The following PRKCI variants were observed in gnomAD, a reference collection of about 807,000 sequenced individuals.
The protein encoded by PRKCI is protein kinase C iota.
A neutral mutation model predicts 84.0 loss-of-function variants in PRKCI; 43 were observed. That is an observed-to-expected ratio of 0.51 (90% CI 0.40 to 0.66). The LOEUF is 0.66. PRKCI is among the 30% of genes least tolerant of loss of function. PRKCI has a pLI of 0.00. For synonymous variants in PRKCI, 216 were observed against 234.4 expected (o/e 0.92, Z 0.72); for missense variants, 459 against 745.6 (o/e 0.62, Z 4.48).
At chr3:170,232,354 T>G (rs924628693) in intron 1 of PRKCI, among the ~76,000 whole-genome samples, 3 of 151,012 alleles carry the variant, frequency 2.0e-5, no homozygotes, top group South Asian at 2.1e-4. Context: ...CTGGCTGCAC[T>G]CATTTATTTT....
At chr3:170,302,592 C>T (rs941611369) in intron 17 of PRKCI, among the ~76,000 whole-genome samples, 1 of 152,198 alleles carries the variant, frequency 6.6e-6, no homozygotes, top group African/African-American at 2.4e-5. Flanking sequence ...GTTCTCTCCT[C>T]ATTCCAGGTC....
chr3:170,275,367 C>A, intron 8 of PRKCI, 80 bp downstream of exon 8: 1 of 1,319,232 alleles, frequency 7.6e-7, no homozygotes, highest in Non-Finnish European at 1.0e-6. Context: ...GACATATTGA[C>A]CTGCTTAGAC....
chr3:170,263,323 T>G, intron 3 of PRKCI, 56 bp from the exon 4 acceptor site: 3 of 1,419,724 alleles, frequency 2.1e-6, no homozygotes, highest in Non-Finnish European at 3.0e-6. Context: ...TTAAATTCTG[T>G]GTAATTTGTA....
chr3:170,281,136 G>C (rs1432855053), intron 9 of PRKCI, 30 bp from the exon 10 acceptor site: 1 of 1,561,832 alleles, frequency 6.4e-7, no homozygotes, highest in Non-Finnish European at 8.8e-7. Flanking sequence ...ATATCAGTTT[G>C]ACATAGATTT....
At chr3:170,295,315 G>A (rs967033948) in intron 14 of PRKCI, among the ~76,000 whole-genome samples, 57 of 152,184 alleles carry the variant, frequency 3.7e-4, no homozygotes, top group African/African-American at 1.3e-3. Flanking sequence ...TTGAACCCAG[G>A]AGTTCAAGAC....
rs1363845312 is a variant in PRKCI, at chr3:170,271,804, C to CATAA, written c.591+1243_591+1244insATAA. The stretch of plus-strand genomic sequence containing the variant: ...GTCGACTTTACAGAGGGTTGTTTAT[C>CATAA]CACCAGAAGGCACATGTGCTTGCCT... On this transcript the variant is annotated intron_variant, in intron 6 of 17. Transcript: ENST00000295797. 3.9e-5 allele frequency among the ~76,000 whole-genome samples: 6 copies of CATAA among 151,968 alleles called. No homozygotes were observed. In the East Asian group the frequency reaches 1.2e-3, roughly 29 times the overall value.
chr3:170,255,112 G>A (rs1490855417), intron 2 of PRKCI, among the ~76,000 whole-genome samples: 1 of 137,264 alleles, frequency 7.3e-6, no homozygotes, highest in Non-Finnish European at 1.5e-5. Flanking sequence ...CCAGGCTGGA[G>A]TGCAATGGCA....
chr3:170,297,665 A>G (rs551361350), intron 16 of PRKCI, among the ~76,000 whole-genome samples: 33 of 151,360 alleles, frequency 2.2e-4, no homozygotes, highest in Middle Eastern at 3.4e-3. Flanking sequence ...AATGTCGGCC[A>G]GGCTGGTCTC....
rs1176125845 is a variant in PRKCI at position 170,305,181 on chromosome 3, T to C, written c.*2054T>C. The C allele has an allele frequency of 6.6e-6, 1 of 152,648 alleles. No homozygotes were observed. The highest frequency in any genetic ancestry group is 1.5e-5 in the Non-Finnish European group (1 of 68,038). The allele number at this position is 152,648 out of a possible 1,614,324, so 9.5% of individuals were successfully genotyped here. ...TGCTTTTAAGTGGTGCTGTTTCCCA[T>C]AGGGCATTAGTTCTCAGATTTTGGA... On this transcript the variant is annotated 3_prime_UTR_variant, in exon 18 of 18. Transcript: ENST00000295797.
intron 1 of PRKCI, among the ~76,000 whole-genome samples, chr3:170,234,188 C>T (rs1374339685): frequency 1.3e-5 from 2 of 152,148 alleles, no homozygotes; most frequent in African/African-American, 2.4e-5. Flanking sequence ...TGTGCCACCA[C>T]ACCCAGCAAA....
chr3:170,285,302 A>G (rs1383173164), intron 12 of PRKCI, among the ~76,000 whole-genome samples: 1 of 151,954 alleles, frequency 6.6e-6, no homozygotes, highest in East Asian at 1.9e-4. Flanking sequence ...GATGATCTCA[A>G]TCTCCTGATC....
chr3:170,252,585 TCTTTTTTA>T (rs1260417318), intron 2 of PRKCI, among the ~76,000 whole-genome samples: 2 of 152,066 alleles, frequency 1.3e-5, no homozygotes, highest in Admixed American at 6.6e-5. Context: ...ATCTTTTTTT[TCTTTTTTA>T]CTTTTTCTAA....
In PRKCI at chr3:170,305,894, T is replaced by C. The variant is rs1287696136; in HGVS notation, c.*2767T>C. ...TTATTTTTGTCATGTAGAATACTAC[T>C]GTGGTCATCATAATGTAATCTATTT... On this transcript the variant is annotated 3_prime_UTR_variant, in exon 18 of 18. Coordinates refer to ENST00000295797, the MANE Select transcript of PRKCI (RefSeq NM_002740.6). The C allele has an allele frequency of 1.3e-5, 2 of 152,126 alleles. No homozygotes were observed. Among genetic ancestry groups the C allele is most frequent in the Non-Finnish European group, 1.5e-5 (1 of 68,010 alleles). 9.4% of individuals were successfully genotyped at this position (152,126 alleles called of 1,614,324 possible). A position where few individuals can be genotyped will look rare whatever the true frequency, so the allele number is the denominator to read the frequency against.
At chr3:170,295,337 A>G (rs746526832) in intron 14 of PRKCI, among the ~76,000 whole-genome samples, 2 of 152,078 alleles carry the variant, frequency 1.3e-5, no homozygotes, top group African/African-American at 2.4e-5. Context: ...AGCTTGAGCA[A>G]TATGGTGAGA....
intron 13 of PRKCI, among the ~76,000 whole-genome samples, chr3:170,292,252 C>G (rs1383501159): frequency 3.3e-5 from 5 of 152,164 alleles, no homozygotes; most frequent in Admixed American, 3.3e-4. Flanking sequence ...GAGGTAAGTA[C>G]TATTAATTCT....
At chr3:170,271,040 C>A (rs192906127) in intron 6 of PRKCI, among the ~76,000 whole-genome samples, 7,047 of 151,522 alleles carry the variant, frequency 0.047, 525 homozygotes, top group African/African-American at 0.16. Context: ...TGTTTGTTAT[C>A]GAAAAAAATA....
chr3:170,230,009 C>T (rs755471683), intron 1 of PRKCI, among the ~76,000 whole-genome samples: 7 of 151,976 alleles, frequency 4.6e-5, no homozygotes, highest in Non-Finnish European at 4.4e-5. Context: ...GTTAAAGTTG[C>T]CAGCATTTCC....
rs141517268 is a variant in PRKCI at position 170,287,338 on chromosome 3, T to TAGAG, written c.1203+2753_1203+2756dup. 7.0e-4 allele frequency among the ~76,000 whole-genome samples: 105 copies of TAGAG among 149,236 alleles called. No individual in the cohort carries two copies. In the East Asian group the frequency reaches 0.011, roughly 16 times the overall value. ...ATCCTATCTAAAATATATATATATA[T>TAGAG]AGAGAGAGAGAGAGTAATAAATATA... is the stretch of plus-strand genomic sequence containing the variant. On this transcript the variant is annotated intron_variant, in intron 12 of 17. Transcript: ENST00000295797.
chr3:170,245,993 C>T (rs1174683987), intron 2 of PRKCI, among the ~76,000 whole-genome samples: 3 of 108,744 alleles, frequency 2.8e-5, no homozygotes, highest in Admixed American at 1.0e-4. Flanking sequence ...CTTTCTTTGT[C>T]ACCCAGGCTG....
Sources: gnomAD v4.1 joint callset for allele counts (sites outside exome capture counted in the v4.1 genomes callset) on GRCh38, gnomAD v4.1.1 for gene constraint, MANE v1.5 for transcripts, NCBI Gene and HGNC (gene_info 2026-07-23, HGNC 2026-07-21) for gene names.